The following IKBKG variants were observed in gnomAD, a reference collection of about 807,000 sequenced individuals.
The protein encoded by IKBKG is NF-kappa-B essential modulator.
In IKBKG, 2 loss-of-function variants were observed where a neutral mutation model predicts 13.7. The observed-to-expected ratio is 0.15, with a 90% CI of 0.06 to 0.46. IKBKG has a LOEUF of 0.46. IKBKG is among the 20% of genes least tolerant of loss of function. The pLI is 0.98. For synonymous variants in IKBKG, 22 were observed against 64.4 expected, an observed-to-expected ratio of 0.34 and a Z score of 3.15; for missense variants, 53 against 150.3, an observed-to-expected ratio of 0.35 and a Z score of 3.39.
At chrX:154,543,324 T>C (rs2070579758), upstream of IKBKG, among the ~76,000 whole-genome samples, 1 of 112,548 alleles carries the variant, frequency 8.9e-6, no homozygotes, top group Admixed American at 9.4e-5. Flanking sequence ...AACCCGAAGC[T>C]GGCCACAGGC....
intron 1 of IKBKG, chrX:154,548,203 CACGG>C (rs1367568354): frequency 3.7e-6 from 2 of 545,858 alleles, no homozygotes; most frequent in Non-Finnish European, 4.4e-6. Context: ...AGAGGAATAG[CACGG>C]AGGTCACTAT....
intron 4 of IKBKG, among the ~76,000 whole-genome samples, chrX:154,558,960 C>T (rs2071086498): frequency 9.8e-6 from 1 of 101,737 alleles, no homozygotes; most frequent in African/African-American, 3.9e-5. Context: ...CAGTCGCCCT[C>T]GTGGCTGAGG....
At chrX:154,548,176 G>T in intron 1 of IKBKG, 1 of 636,867 alleles carries the variant, frequency 1.6e-6, no homozygotes, top group African/African-American at 2.4e-5. Context: ...AGAATGAATG[G>T]GCTCTCCTGG....
chrX:154,546,789 C>T, upstream of IKBKG: 1 of 1,162,050 alleles, frequency 8.6e-7, no homozygotes. Flanking sequence ...GGCCGGTTAC[C>T]TGCGCTTCGT....
upstream of IKBKG, chrX:154,547,341 C>T: frequency 2.6e-6 from 2 of 755,075 alleles, no homozygotes; most frequent in Non-Finnish European, 3.1e-6. Flanking sequence ...TGGGCAGTCT[C>T]TTCTTGATTC....
chrX:154,542,161 A>G, intron 1 of IKBKG: 1 of 520,769 alleles, frequency 1.9e-6, no homozygotes, highest in East Asian at 3.9e-5. Flanking sequence ...ACCAATGGGG[A>G]AGTCAGCCCA....
In IKBKG at chrX:154,549,900, A is replaced by G. The variant is rs182406987; in HGVS notation, c.-15-2088A>G. Among the ~76,000 whole-genome samples, 5 of 112,206 alleles carry G rather than the reference A, an allele frequency of 4.5e-5. No homozygotes were observed. In the East Asian group the frequency reaches 1.4e-3, roughly 31 times the overall value. On this transcript the variant is annotated intron_variant, in intron 1 of 9. Coordinates refer to ENST00000594239, the MANE Select transcript of IKBKG (RefSeq NM_001099857.5). ...TTTCAAGATTTGTTCATGTTATAGC[A>G]TGTGGATGTACTAGATTTTGTTTAT...
At chrX:154,555,414 A>G (rs887148924) in intron 2 of IKBKG, among the ~76,000 whole-genome samples, 7 of 112,159 alleles carry the variant, frequency 6.2e-5, no homozygotes, top group African/African-American at 2.3e-4. Context: ...CTTACAAACA[A>G]AGTGGCATAA....
Position 154,552,152 on chromosome X carries a change from C to T in IKBKG, c.150C>T (p.Thr50=), listed in dbSNP as rs2070950975. Reference sequence around the variant, plus strand: ...CTTCAGAACAGGGCGCTCCTGAGACCCTCCAGCGCTGCCTGGAGGAGAATC... The same window carrying T: ...CTTCAGAACAGGGCGCTCCTGAGACTCTCCAGCGCTGCCTGGAGGAGAATC... ...HLPSEQGAPE[T]LQRCLEENQE... The change falls in exon 2 of 10, where the codon ACC becomes ACT. Residue 50 remains threonine, a synonymous_variant. Transcript: ENST00000594239. The T allele has an allele frequency of 2.5e-6, 3 of 1,188,790 alleles. No individual in the cohort carries two copies. Among genetic ancestry groups the T allele is most frequent in the Non-Finnish European group, 3.4e-6 (3 of 881,594 alleles).
At chrX:154,541,995 G>A (rs782407030) in intron 1 of IKBKG, among the ~76,000 whole-genome samples, 3 of 112,114 alleles carry the variant, frequency 2.7e-5, no homozygotes, top group Non-Finnish European at 5.7e-5. Flanking sequence ...GGCCCAGCTG[G>A]TTCCTGGCCA....
At chrX:154,549,569 C>T (rs782535108) in intron 1 of IKBKG, among the ~76,000 whole-genome samples, 14 of 111,655 alleles carry the variant, frequency 1.3e-4, no homozygotes, top group African/African-American at 4.6e-4. Context: ...TGTGAACCAC[C>T]ATGCCTGGCC....
Position 154,550,521 on chromosome X carries a change from C to T in IKBKG, c.-15-1467C>T, listed in dbSNP as rs191566800. Among the ~76,000 whole-genome samples, 7 of 107,314 alleles carry T rather than the reference C, an allele frequency of 6.5e-5. 1 individual carries two copies. The highest frequency in any genetic ancestry group is 2.4e-4 in the African/African-American group (7 of 29,253). The allele number at this position is 107,314 out of a possible 115,157, so 93.2% of individuals were successfully genotyped here. On this transcript the variant is annotated intron_variant, in intron 1 of 9. Coordinates refer to ENST00000594239, the MANE Select transcript of IKBKG (RefSeq NM_001099857.5). ...TTGGAGTTCAAGGCATGAGACTGGACAGAATTCCTGTGGGAGTGAATGAAG... is the reference window on the plus strand; with the variant it reads ...TTGGAGTTCAAGGCATGAGACTGGATAGAATTCCTGTGGGAGTGAATGAAG...
chrX:154,549,027 C>T (rs374669884), intron 1 of IKBKG, among the ~76,000 whole-genome samples: 2 of 98,227 alleles, frequency 2.0e-5, no homozygotes, highest in African/African-American at 3.9e-5. Flanking sequence ...GAATCTCGCT[C>T]TGTCACCAGG....
At chrX:154,550,476 G>A (rs972349099) in intron 1 of IKBKG, among the ~76,000 whole-genome samples, 3 of 103,459 alleles carry the variant, frequency 2.9e-5, no homozygotes, top group African/African-American at 1.1e-4. Context: ...TTAGAAAAGA[G>A]GTCTAATTAA....
At chrX:154,548,233 A>C (rs2070813013) in intron 1 of IKBKG, 1 of 413,251 alleles carries the variant, frequency 2.4e-6, no homozygotes, top group Non-Finnish European at 3.0e-6. Flanking sequence ...GAGCAGAGTG[A>C]GGGAGGGGAG....
At chrX:154,545,690 C>T, upstream of IKBKG, 1 of 224,364 alleles carries the variant, frequency 4.5e-6, no homozygotes. Context: ...CAAAAATTAG[C>T]CGGGTGTGGT....
upstream of IKBKG, chrX:154,546,220 AG>A (rs2070709862): frequency 8.4e-7 from 1 of 1,196,329 alleles, no homozygotes; most frequent in East Asian, 3.0e-5. Context: ...TTGAGAAGTT[AG>A]CCCCTTTCTT....
At chrX:154,549,507 T>A (rs995605933) in intron 1 of IKBKG, among the ~76,000 whole-genome samples, 8 of 109,105 alleles carry the variant, frequency 7.3e-5, no homozygotes, top group South Asian at 4.0e-4. Context: ...CTTGAATTCC[T>A]GACCTCAAGT....
chrX:154,552,723 C>T (rs895288025), intron 2 of IKBKG, among the ~76,000 whole-genome samples: 2 of 111,436 alleles, frequency 1.8e-5, no homozygotes, highest in Non-Finnish European at 3.8e-5. Flanking sequence ...GGGGCAATCC[C>T]GGCGCACACC....
Sources: allele counts gnomAD v4.1 joint callset (sites outside exome capture counted in the v4.1 genomes callset), GRCh38; gene constraint gnomAD v4.1.1; transcripts MANE v1.5; gene names NCBI Gene and HGNC (gene_info 2026-07-23, HGNC 2026-07-21).